The following PTPRG variants were observed in gnomAD, a reference collection of about 807,000 sequenced individuals.
PTPRG encodes receptor-type tyrosine-protein phosphatase gamma.
PTPRG carries 102 observed loss-of-function variants against 165.3 expected under a neutral mutation model. That is an observed-to-expected ratio of 0.62 (90% CI 0.53 to 0.73). The LOEUF is 0.73. PTPRG is among the 30% of genes least tolerant of loss of function. PTPRG has a pLI of 0.00. For missense variants in PTPRG, 1,866 were observed against 1,861.4 expected (o/e 1.00, Z -0.05); for synonymous variants, 675 against 669.5 (o/e 1.01, Z -0.13).
chr3:61,870,474 A>C (rs78536059), intron 2 of PTPRG, among the ~76,000 whole-genome samples: 2 of 49,480 alleles, frequency 4.0e-5, no homozygotes, highest in African/African-American at 1.1e-4. Context: ...TACCACACCT[A>C]GCTTTTTTTT....
At chr3:62,041,600 G>T (rs1700132585) in intron 4 of PTPRG, among the ~76,000 whole-genome samples, 1 of 152,084 alleles carries the variant, frequency 6.6e-6, no homozygotes. Context: ...TCACCTTTTG[G>T]CCTCTTCACA....
chr3:62,003,089 A>T (rs1045487401), intron 3 of PTPRG, among the ~76,000 whole-genome samples: 14 of 134,932 alleles, frequency 1.0e-4, no homozygotes, highest in South Asian at 2.4e-4. Flanking sequence ...TTTTTTTTTT[A>T]AATCTGTTAA....
At chr3:61,883,427 C>G (rs962952821) in intron 2 of PTPRG, among the ~76,000 whole-genome samples, 3 of 152,182 alleles carry the variant, frequency 2.0e-5, no homozygotes, top group African/African-American at 7.2e-5. Context: ...TGGATTGTTC[C>G]AGGAGGAATA....
At chr3:61,935,239 T>G (rs902471734) in intron 2 of PTPRG, among the ~76,000 whole-genome samples, 3 of 152,194 alleles carry the variant, frequency 2.0e-5, no homozygotes, top group African/African-American at 7.2e-5. Flanking sequence ...TCCAGTTTGC[T>G]CATTTATTCT....
chr3:61,977,590 A>G (rs889534348), intron 2 of PTPRG, among the ~76,000 whole-genome samples: 2 of 117,420 alleles, frequency 1.7e-5, no homozygotes, highest in Non-Finnish European at 3.5e-5. Flanking sequence ...TAGTTCTGCA[A>G]CTAGCTTTTT....
intron 1 of PTPRG, among the ~76,000 whole-genome samples, chr3:61,686,113 T>C (rs1244710385): frequency 1.3e-5 from 2 of 152,154 alleles, no homozygotes; most frequent in African/African-American, 2.4e-5. Context: ...TACATTTGTT[T>C]TAGTACCGAG....
At chr3:61,969,802 G>A (rs2040344811) in intron 2 of PTPRG, among the ~76,000 whole-genome samples, 1 of 152,098 alleles carries the variant, frequency 6.6e-6, no homozygotes, top group African/African-American at 2.4e-5. Context: ...GACATGATAG[G>A]GGAGGAGGGA....
At chr3:61,724,217 C>CAAAACAAAA (rs1553655538) in intron 1 of PTPRG, among the ~76,000 whole-genome samples, 1 of 128,758 alleles carries the variant, frequency 7.8e-6, no homozygotes, top group Admixed American at 8.3e-5. Context: ...CTCCCATCTC[C>CAAAACAAAA]AAAAAAAAAA....
chr3:61,628,446 G>A lies in PTPRG; in HGVS notation c.85+66074G>A, dbSNP rs891021981. On this transcript the variant is annotated intron_variant, in intron 1 of 29. Coordinates refer to ENST00000474889, the MANE Select transcript of PTPRG (RefSeq NM_002841.4). ...TTCTCCTGCCTCAGCCTCCCGAGTA[G>A]CTGGGACTACAGGTGTGCACCACCA... 2.0e-5 allele frequency among the ~76,000 whole-genome samples: 3 copies of A among 152,092 alleles called. No homozygotes were observed. In the East Asian group the frequency reaches 5.8e-4, roughly 29 times the overall value.
intron 15 of PTPRG, among the ~76,000 whole-genome samples, chr3:62,248,114 G>C (rs1406427165): frequency 6.6e-6 from 1 of 152,064 alleles, no homozygotes; most frequent in African/African-American, 2.4e-5. Flanking sequence ...AGGTTAATTA[G>C]CCATGTTAGA....
intron 2 of PTPRG, among the ~76,000 whole-genome samples, chr3:61,835,819 A>T (rs1367353661): frequency 1.3e-5 from 2 of 151,438 alleles, no homozygotes; most frequent in African/African-American, 4.9e-5. Flanking sequence ...TGGGTGGATC[A>T]CCTGAGAGGT....
Position 61,676,196 on chromosome 3 carries a change from G to A in PTPRG, c.86-72682G>A, listed in dbSNP as rs200784789. Among the ~76,000 whole-genome samples the A allele has an allele frequency of 1.8e-4, 28 of 152,002 alleles. No individual in the cohort carries two copies. The East Asian group carries it at 4.3e-3, about 23-fold the overall frequency. On this transcript the variant is annotated intron_variant, in intron 1 of 29. Coordinates refer to ENST00000474889, the MANE Select transcript of PTPRG (RefSeq NM_002841.4). ...AGTCTAGGCGGGCACAGTGGCTCAC[G>A]CCTGTAATCCCAGCACTTTGGGAGG...
chr3:62,093,186 T>A (rs554018365), intron 5 of PTPRG, among the ~76,000 whole-genome samples: 2 of 152,292 alleles, frequency 1.3e-5, no homozygotes, highest in South Asian at 4.1e-4. Flanking sequence ...TTATCAGAGA[T>A]CCCTTGAGGT....
rs534929416 is a variant in PTPRG, at chr3:62,280,291, G to C, written c.3766-1272G>C. Among the ~76,000 whole-genome samples, 4 of 151,962 alleles carry C rather than the reference G, an allele frequency of 2.6e-5. No homozygotes were observed. In the South Asian group the frequency reaches 8.3e-4, roughly 32 times the overall value. On this transcript the variant is annotated intron_variant, in intron 26 of 29. Transcript: ENST00000474889. ...ATAATTTATGGGCCCCCTCCCCAAG[G>C]CCTTGTGTCCTCATCTGTAAAGACA...
chr3:61,952,833 C>T (rs980903910), intron 2 of PTPRG, among the ~76,000 whole-genome samples: 1 of 152,190 alleles, frequency 6.6e-6, no homozygotes, highest in African/African-American at 2.4e-5. Flanking sequence ...CCCCTACTCA[C>T]TGCCACCACT....
intron 2 of PTPRG, among the ~76,000 whole-genome samples, chr3:61,881,890 C>T (rs977267456): frequency 1.6e-4 from 25 of 152,180 alleles, no homozygotes; most frequent in African/African-American, 6.0e-4. Flanking sequence ...AACCTCAACA[C>T]TATTGACATT....
At chr3:61,723,931 C>T (rs1416386478) in intron 1 of PTPRG, among the ~76,000 whole-genome samples, 7 of 152,164 alleles carry the variant, frequency 4.6e-5, no homozygotes, top group East Asian at 3.9e-4. Context: ...TCTCTCATTT[C>T]GTCATTTTGA....
chr3:62,069,684 T>TCTCTCTCTCTCACACACACA (rs542306888), intron 4 of PTPRG, among the ~76,000 whole-genome samples: 1 of 144,960 alleles, frequency 6.9e-6, no homozygotes, highest in African/African-American at 2.6e-5. Flanking sequence ...TCTCTCTCTC[T>TCTCTCTCTCTCACACACACA]CACACACAGA....
intron 2 of PTPRG, among the ~76,000 whole-genome samples, chr3:61,830,005 G>T (rs1470260291): frequency 6.6e-6 from 1 of 152,226 alleles, no homozygotes; most frequent in Admixed American, 6.5e-5. Flanking sequence ...TCACAGAAAA[G>T]AAGAGGAGAA....
Sources: allele counts gnomAD v4.1 joint callset (sites outside exome capture counted in the v4.1 genomes callset), GRCh38; gene constraint gnomAD v4.1.1; transcripts MANE v1.5; gene names NCBI Gene and HGNC (gene_info 2026-07-23, HGNC 2026-07-21).